MYLK: variants seen among roughly 807,000 people sequenced by gnomAD.
MYLK encodes myosin light chain kinase, smooth muscle.
A neutral mutation model predicts 203.4 loss-of-function variants in MYLK; 106 were observed. The ratio of observed to expected loss-of-function variants is 0.52; its 90% CI spans 0.45 to 0.61. MYLK has a LOEUF of 0.61. MYLK is among the 20% of genes least tolerant of loss of function. The pLI is 0.00. For synonymous variants in MYLK, 867 were observed against 959.5 expected, an observed-to-expected ratio of 0.90 and a Z score of 1.78; for missense variants, 2,072 against 2,442.3, an observed-to-expected ratio of 0.85 and a Z score of 3.20.
intron 3 of MYLK, among the ~76,000 whole-genome samples, chr3:123,803,599 C>G (rs876168): frequency 0.98 from 148,947 of 152,320 alleles, 72,893 homozygotes; most frequent in East Asian, 1. Flanking sequence ...AAGACATGTG[C>G]GCAAGTAGGA....
At chr3:123,712,407 G>A (rs1477873211) in intron 13 of MYLK, among the ~76,000 whole-genome samples, 1 of 152,206 alleles carries the variant, frequency 6.6e-6, no homozygotes, top group Non-Finnish European at 1.5e-5. Flanking sequence ...CAGCCTTACA[G>A]AGCTTCATGC....
intron 4 of MYLK, among the ~76,000 whole-genome samples, chr3:123,786,735 C>T (rs1023039673): frequency 8.5e-5 from 13 of 152,064 alleles, no homozygotes; most frequent in African/African-American, 2.7e-4. Context: ...ACATTGCGTG[C>T]CTTATCAAAA....
intron 12 of MYLK, among the ~76,000 whole-genome samples, chr3:123,723,207 A>C (rs1180847774): frequency 6.6e-6 from 1 of 151,738 alleles, no homozygotes; most frequent in East Asian, 1.9e-4. Flanking sequence ...GGGGTCGGCC[A>C]GTGGGGAAGG....
chr3:123,836,630 C>T (rs1280917386), intron 2 of MYLK, among the ~76,000 whole-genome samples: 1 of 152,174 alleles, frequency 6.6e-6, no homozygotes, highest in East Asian at 1.9e-4. Flanking sequence ...TAGTGAACCT[C>T]CTGTAGGAAA....
intron 2 of MYLK, among the ~76,000 whole-genome samples, chr3:123,834,236 G>T (rs1328248963): frequency 6.6e-6 from 1 of 152,052 alleles, no homozygotes; most frequent in East Asian, 1.9e-4. Flanking sequence ...AGTAGAGATG[G>T]GGTTTCACCA....
chr3:123,718,555 A>G (rs74544622), intron 13 of MYLK, among the ~76,000 whole-genome samples: 4 of 151,840 alleles, frequency 2.6e-5, no homozygotes, highest in East Asian at 1.9e-4. Context: ...CTGTCTTGCT[A>G]CTCCTCGAAT....
At chr3:123,767,404 C>T (rs1164088267) in intron 4 of MYLK, among the ~76,000 whole-genome samples, 1 of 152,152 alleles carries the variant, frequency 6.6e-6, no homozygotes, top group African/African-American at 2.4e-5. Flanking sequence ...ATCAGGAGTT[C>T]GAGACCAGCC....
At chr3:123,745,898 C>T (rs1458770283) in intron 5 of MYLK, among the ~76,000 whole-genome samples, 3 of 151,962 alleles carry the variant, frequency 2.0e-5, no homozygotes, top group Non-Finnish European at 2.9e-5. Context: ...CACTCTGTCG[C>T]CCAGGGTGGA....
In MYLK at chr3:123,884,235, G is replaced by T. The variant is rs2033717439; in HGVS notation, c.-215C>A. The T allele has an allele frequency of 6.7e-6, 1 of 150,222 alleles. No individual in the cohort carries two copies. 9.3% of individuals were successfully genotyped at this position (150,222 alleles called of 1,614,324 possible). ...GCGGCGAAGGCGGCCCGGGAGCCGG[G>T]GCACCGGCGCTCGGCGGGGCGCCCC... On this transcript the variant is annotated 5_prime_UTR_variant, in exon 1 of 34. Coordinates refer to ENST00000360304, the MANE Select transcript of MYLK (RefSeq NM_053025.4).
At chr3:123,855,091 T>G (rs559387895) in intron 2 of MYLK, among the ~76,000 whole-genome samples, 170 of 152,332 alleles carry the variant, frequency 1.1e-3, no homozygotes, top group African/African-American at 3.8e-3. Context: ...TTTGTTTAGC[T>G]TTCAAAGTAT....
intron 20 of MYLK, among the ~76,000 whole-genome samples, chr3:123,674,022 C>T (rs1161319041): frequency 6.6e-6 from 1 of 152,136 alleles, no homozygotes; most frequent in Non-Finnish European, 1.5e-5. Context: ...ATCCCCTATT[C>T]TCTTTCCTCC....
chr3:123,754,197 T>C (rs2063294202), intron 4 of MYLK, among the ~76,000 whole-genome samples: 1 of 152,160 alleles, frequency 6.6e-6, no homozygotes, highest in African/African-American at 2.4e-5. Context: ...AGGATGCAGA[T>C]TTCTTCCTAA....
intron 15 of MYLK, 41 bp downstream of exon 15, chr3:123,708,657 C>G: frequency 6.2e-7 from 1 of 1,611,362 alleles, no homozygotes; most frequent in South Asian, 1.1e-5. Context: ...GGGGCTGCAG[C>G]AGCATCTCCT....
chr3:123,703,291 C>G lies in MYLK; in HGVS notation c.2391-1782G>C, dbSNP rs546444169. ...CCATTTGAAGCAAGGAGAAGCCAAT[C>G]GTTGCTGTCCTCCAGCCCTCCTCCC... is the stretch of plus-strand genomic sequence containing the variant. On this transcript the variant is annotated intron_variant, in intron 16 of 33. Transcript: ENST00000360304. Among the ~76,000 whole-genome samples the G allele has an allele frequency of 2.0e-5, 3 of 152,336 alleles. No individual in the cohort carries two copies. In the East Asian group the frequency reaches 5.8e-4, roughly 29 times the overall value.
chr3:123,819,569 T>C (rs2065853267), intron 3 of MYLK, among the ~76,000 whole-genome samples: 1 of 152,188 alleles, frequency 6.6e-6, no homozygotes, highest in South Asian at 2.1e-4. Context: ...TCACAGCTAT[T>C]AGCAAAAGCC....
intron 15 of MYLK, among the ~76,000 whole-genome samples, 168 bp downstream of exon 15, chr3:123,708,530 T>C (rs1425383492): frequency 6.6e-6 from 1 of 152,164 alleles, no homozygotes; most frequent in Non-Finnish European, 1.5e-5. Flanking sequence ...AGTCAGAGCT[T>C]GTGATGTTGG....
At chr3:123,882,083 G>A (rs900139216) in intron 1 of MYLK, among the ~76,000 whole-genome samples, 2 of 152,244 alleles carry the variant, frequency 1.3e-5, no homozygotes, top group African/African-American at 4.8e-5. Context: ...TCTGGCCCCT[G>A]GGGAAGCAGC....
intron 4 of MYLK, among the ~76,000 whole-genome samples, chr3:123,761,265 G>A (rs1358723027): frequency 6.6e-6 from 1 of 152,216 alleles, no homozygotes; most frequent in Non-Finnish European, 1.5e-5. Flanking sequence ...GGGCAAAAGT[G>A]ACCTGAGGGT....
intron 4 of MYLK, among the ~76,000 whole-genome samples, chr3:123,776,373 C>T (rs922031753): frequency 1.3e-5 from 2 of 152,202 alleles, no homozygotes; most frequent in African/African-American, 4.8e-5. Context: ...TTGGAAAGTA[C>T]TTGTGCTTAA....
Sources: gnomAD v4.1 joint callset for allele counts (sites outside exome capture counted in the v4.1 genomes callset) on GRCh38, gnomAD v4.1.1 for gene constraint, MANE v1.5 for transcripts, NCBI Gene and HGNC (gene_info 2026-07-23, HGNC 2026-07-21) for gene names.